Variants in NRG1 observed in about 807,000 individuals in gnomAD.
NRG1 encodes pro-neuregulin-1, membrane-bound isoform.
Under a neutral mutation model 63.8 loss-of-function variants are expected in NRG1, and 18 were observed. The observed-to-expected ratio is 0.28, with a 90% CI of 0.19 to 0.42. The LOEUF is 0.42. Ranked by LOEUF, NRG1 falls within the 10% of genes least tolerant of loss-of-function variation. The pLI, the probability that NRG1 is intolerant of heterozygous loss-of-function variation, is 1.00. For synonymous variants in NRG1, 302 were observed against 301.3 expected (o/e 1.00, Z -0.02); for missense variants, 762 against 814.7 (o/e 0.94, Z 0.79).
At chr8:31,705,966 C>G (rs1295722392) in intron 1 of NRG1, among the ~76,000 whole-genome samples, 1 of 152,172 alleles carries the variant, frequency 6.6e-6, no homozygotes, top group Admixed American at 6.5e-5. Flanking sequence ...TCACGTACGT[C>G]TTAGAGGCTA....
intron 1 of NRG1, among the ~76,000 whole-genome samples, chr8:32,233,563 A>ATATATAG (rs34593729): frequency 1.5e-5 from 1 of 67,264 alleles, no homozygotes; most frequent in Non-Finnish European, 2.5e-5. Context: ...ATATATATAT[A>ATATATAG]TTTTTTTTTT....
intron 5 of NRG1, among the ~76,000 whole-genome samples, chr8:32,671,620 C>T (rs1185724380): frequency 6.6e-6 from 1 of 152,052 alleles, no homozygotes; most frequent in Admixed American, 6.6e-5. Context: ...TTTCTTCCAC[C>T]TTTTTCTTGT....
intron 1 of NRG1, among the ~76,000 whole-genome samples, chr8:32,090,910 T>G (rs1182021025): frequency 1.3e-5 from 2 of 152,188 alleles, no homozygotes; most frequent in Non-Finnish European, 2.9e-5. Context: ...AAATTAAATC[T>G]AAACAACTTT....
At chr8:32,749,528 TTTC>T in intron 7 of NRG1, 1 of 1,613,214 alleles carries the variant, frequency 6.2e-7, no homozygotes, top group Non-Finnish European at 8.5e-7. Flanking sequence ...TTTCCCTTTC[TTTC>T]TTTTTTTTGT....
intron 1 of NRG1, among the ~76,000 whole-genome samples, chr8:31,825,432 A>G (rs1319327857): frequency 6.6e-6 from 1 of 152,122 alleles, no homozygotes; most frequent in African/African-American, 2.4e-5. Context: ...TCTAGCTGCT[A>G]GTTTAAGAGA....
intron 1 of NRG1, among the ~76,000 whole-genome samples, chr8:32,289,284 G>C (rs1853911613): frequency 6.6e-6 from 1 of 152,122 alleles, no homozygotes; most frequent in Non-Finnish European, 1.5e-5. Context: ...AAGACTAGCT[G>C]TTGTCTCTCA....
intron 1 of NRG1, among the ~76,000 whole-genome samples, chr8:32,331,093 T>TA (rs921239655): frequency 4.6e-5 from 7 of 151,340 alleles, no homozygotes; most frequent in Admixed American, 6.6e-5. Context: ...TTGTGGCGTG[T>TA]AAAAAAAAAG....
chr8:31,926,039 G>T (rs907447629), intron 1 of NRG1, among the ~76,000 whole-genome samples: 1 of 152,108 alleles, frequency 6.6e-6, no homozygotes, highest in African/African-American at 2.4e-5. Flanking sequence ...AAAATGTAAA[G>T]GTTCTGGATG....
At chr8:32,756,600 C>T (rs902511694) in intron 9 of NRG1, 71 bp downstream of exon 9, 13 of 1,510,536 alleles carry the variant, frequency 8.6e-6, no homozygotes, top group South Asian at 3.9e-5. Context: ...AGTTTATTTT[C>T]GAAAGCTCTT....
intron 1 of NRG1, among the ~76,000 whole-genome samples, chr8:32,045,221 A>G (rs1318148051): frequency 6.6e-6 from 1 of 151,942 alleles, no homozygotes; most frequent in Non-Finnish European, 1.5e-5. Flanking sequence ...TTAATTAGTA[A>G]TTTCACTTAA....
At chr8:32,642,005 T>A (rs182120032) in intron 5 of NRG1, among the ~76,000 whole-genome samples, 67 of 152,224 alleles carry the variant, frequency 4.4e-4, no homozygotes, top group African/African-American at 1.2e-3. Flanking sequence ...ATATTCCAAA[T>A]TTTCCCTCCA....
At chr8:31,845,123 A>AAATAAATT (rs1800674976) in intron 1 of NRG1, among the ~76,000 whole-genome samples, 1 of 151,656 alleles carries the variant, frequency 6.6e-6, no homozygotes, top group African/African-American at 2.4e-5. Context: ...ATAAATAAAT[A>AAATAAATT]AATAAATAAA....
intron 1 of NRG1, among the ~76,000 whole-genome samples, chr8:32,118,363 TC>T (rs78899007): frequency 0.036 from 5,550 of 152,084 alleles, 184 homozygotes; most frequent in Admixed American, 0.081. Context: ...TCCCCCTCTC[TC>T]TCTTGCTTCC....
chr8:31,698,677 A>G (rs1208146184), intron 1 of NRG1, among the ~76,000 whole-genome samples: 1 of 152,192 alleles, frequency 6.6e-6, no homozygotes, highest in Non-Finnish European at 1.5e-5. Context: ...TGTCTGCTTT[A>G]GTTGAATAGA....
chr8:31,941,978 A>G (rs1412762273), intron 1 of NRG1, among the ~76,000 whole-genome samples: 1 of 152,124 alleles, frequency 6.6e-6, no homozygotes, highest in Non-Finnish European at 1.5e-5. Flanking sequence ...AGCAATCTAC[A>G]TATTCAATGC....
intron 1 of NRG1, among the ~76,000 whole-genome samples, chr8:31,912,732 A>T (rs1222397025): frequency 6.6e-6 from 1 of 152,090 alleles, no homozygotes; most frequent in Non-Finnish European, 1.5e-5. Flanking sequence ...TCCTTCCCTT[A>T]ATTCCCCCTC....
intron 1 of NRG1, among the ~76,000 whole-genome samples, chr8:32,179,574 A>G (rs900281146): frequency 1.3e-5 from 2 of 152,190 alleles, no homozygotes; most frequent in African/African-American, 4.8e-5. Context: ...CCTTGCTTCA[A>G]TTCCTGCATA....
At chr8:32,064,554 A>G (rs903920643) in intron 1 of NRG1, among the ~76,000 whole-genome samples, 1 of 152,080 alleles carries the variant, frequency 6.6e-6, no homozygotes, top group African/African-American at 2.4e-5. Context: ...AACCTCATAG[A>G]TTTTCAAAAA....
chr8:31,990,425 A>G (rs1810866246), intron 1 of NRG1, among the ~76,000 whole-genome samples: 1 of 152,094 alleles, frequency 6.6e-6, no homozygotes, highest in Non-Finnish European at 1.5e-5. Flanking sequence ...ACAAGACAGG[A>G]CTGAGATAAA....
Sources: allele counts gnomAD v4.1 joint callset (sites outside exome capture counted in the v4.1 genomes callset), GRCh38; gene constraint gnomAD v4.1.1; transcripts MANE v1.5; gene names NCBI Gene and HGNC (gene_info 2026-07-23, HGNC 2026-07-21).